The following KMO variants were observed in gnomAD, a reference collection of about 807,000 sequenced individuals.
KMO encodes the protein kynurenine 3-monooxygenase, also known as kynurenine 3-hydroxylase.
In KMO, 24 loss-of-function variants were observed where a neutral mutation model predicts 57.8. The observed-to-expected ratio is 0.42, with a 90% CI of 0.30 to 0.58. The LOEUF (loss-of-function observed/expected upper bound fraction) is 0.58. Among genes scored for constraint, KMO ranks in the 20% least tolerant of loss-of-function variants. The probability of loss-of-function intolerance (pLI) is 0.22; values close to 1 mark genes in which losing one functional copy is unlikely to be tolerated. For synonymous variants in KMO, 210 were observed against 193.6 expected (o/e 1.08, Z -0.70); for missense variants, 483 against 588.2 (o/e 0.82, Z 1.85).
intron 2 of KMO, among the ~76,000 whole-genome samples, chr1:241,549,254 A>T (rs1412362260): frequency 2.2e-4 from 31 of 140,504 alleles, no homozygotes; most frequent in East Asian, 8.1e-4. Flanking sequence ...AGAAAGAAAG[A>T]AAGAAAGAAA....
At chr1:241,557,355 A>G (rs75012787) in intron 5 of KMO, among the ~76,000 whole-genome samples, 1 of 152,164 alleles carries the variant, frequency 6.6e-6, no homozygotes, top group African/African-American at 2.4e-5. Context: ...TATTTCTACT[A>G]TCTTTTAAAC....
At position 241,568,411 on chromosome 1, in the gene KMO, G is replaced by A. The variant is rs1267548317; in HGVS notation, c.810-89G>A. The A allele has an allele frequency of 4.5e-5, 58 of 1,297,458 alleles. No individual in the cohort carries two copies. In the South Asian group the frequency reaches 5.7e-4, roughly 13 times the overall value. The allele number at this position is 1,297,458 out of a possible 1,614,324, so 80.4% of individuals were successfully genotyped here. On this transcript the variant is annotated intron_variant, in intron 9 of 14. Coordinates refer to ENST00000366559, the MANE Select transcript of KMO (RefSeq NM_003679.5). ...CATTCTTGTTTTTCAACAAAACTTC[G>A]TGATAGTTAATTTAGTAAACCTGAA...
chr1:241,570,721 C>T (rs1238870187), intron 10 of KMO, among the ~76,000 whole-genome samples: 1 of 152,058 alleles, frequency 6.6e-6, no homozygotes, highest in Non-Finnish European at 1.5e-5. Flanking sequence ...TAATGTGATG[C>T]CTCCAGTTTT....
chr1:241,552,967 A>G (rs755169676), intron 4 of KMO, among the ~76,000 whole-genome samples: 4 of 152,210 alleles, frequency 2.6e-5, no homozygotes, highest in Admixed American at 2.6e-4. Context: ...CTTATGCTCA[A>G]AATAGAGAAA....
chr1:241,588,695 G>T (rs1475263255), intron 11 of KMO, 53 bp from the exon 12 acceptor site: 4 of 1,336,696 alleles, frequency 3.0e-6, no homozygotes, highest in Non-Finnish European at 4.3e-6. Flanking sequence ...CCTGTGTAGA[G>T]TTCAGCACAT....
intron 1 of KMO, among the ~76,000 whole-genome samples, chr1:241,532,783 A>T (rs1180869134): frequency 6.6e-6 from 1 of 152,182 alleles, no homozygotes; most frequent in African/African-American, 2.4e-5. Context: ...AAAAAGCAAA[A>T]ATAATGCAAA....
intron 5 of KMO, among the ~76,000 whole-genome samples, chr1:241,556,820 C>T (rs1160490965): frequency 2.0e-5 from 3 of 151,930 alleles, no homozygotes; most frequent in Non-Finnish European, 2.9e-5. Context: ...ACCCAGGAGG[C>T]GGAGGTTGCA....
intron 10 of KMO, among the ~76,000 whole-genome samples, chr1:241,581,118 C>T (rs554327149): frequency 3.2e-4 from 48 of 152,018 alleles, no homozygotes; most frequent in Admixed American, 1.2e-3. Context: ...TCTTGAAATC[C>T]ATTTTGTCTC....
At chr1:241,578,556 C>T (rs1662620141) in intron 10 of KMO, among the ~76,000 whole-genome samples, 1 of 152,060 alleles carries the variant, frequency 6.6e-6, no homozygotes, top group Admixed American at 6.6e-5. Flanking sequence ...TGTGACCTGC[C>T]CTTAAGTCTT....
At chr1:241,578,236 C>T (rs1373271473) in intron 10 of KMO, among the ~76,000 whole-genome samples, 1 of 152,170 alleles carries the variant, frequency 6.6e-6, no homozygotes, top group African/African-American at 2.4e-5. Context: ...CAAGACTCTT[C>T]ATGAGCACCA....
At chr1:241,549,290 G>GAAGGAAGAAAA (rs1558415071) in intron 2 of KMO, among the ~76,000 whole-genome samples, 180 of 139,112 alleles carry the variant, frequency 1.3e-3, no homozygotes, top group African/African-American at 4.6e-3. Flanking sequence ...AGAAAGAAAG[G>GAAGGAAGAAAA]AGAAAGAGCA....
chr1:241,590,232 A>G lies in KMO; in HGVS notation c.1229A>G (p.Glu410Gly). The G allele has an allele frequency of 6.2e-7, 1 of 1,613,872 alleles. No individual in the cohort carries two copies. Among genetic ancestry groups the G allele is most frequent in the Non-Finnish European group, 8.5e-7 (1 of 1,179,830 alleles). The part of the protein sequence containing the change: ...MVTFSRIRYH[E>G]AVQRWHWQKK... ...ACTTTTTCCAGAATAAGATACCATG[A>G]GGCTGTGCAGCGTTGGCATTGGCAA... Residue 410 changes from glutamate to glycine, a missense_variant, in exon 14 of 15, where the codon GAG becomes GGG. Glu to Gly is a moderately conservative substitution (Grantham distance 98, BLOSUM62 -2). Transcript: ENST00000366559.
chr1:241,557,247 T>C (rs928951464), intron 5 of KMO, among the ~76,000 whole-genome samples: 22 of 152,200 alleles, frequency 1.4e-4, no homozygotes, highest in Non-Finnish European at 2.8e-4. Flanking sequence ...TCACACACCA[T>C]GTATCCCTTA....
At chr1:241,564,562 A>T (rs1395657358) in intron 7 of KMO, among the ~76,000 whole-genome samples, 2 of 151,742 alleles carry the variant, frequency 1.3e-5, no homozygotes, top group Non-Finnish European at 2.9e-5. Flanking sequence ...TAAAGTAAAA[A>T]ATATATATAT....
At position 241,589,206 on chromosome 1, in the gene KMO, T is replaced by C. The variant is rs116291684; in HGVS notation, c.1098+376T>C. Among the ~76,000 whole-genome samples the C allele has an allele frequency of 5.4e-3, 823 of 152,266 alleles. 7 individuals carry two copies. Among genetic ancestry groups the C allele is most frequent in the Non-Finnish European group, 8.5e-3 (579 of 68,018 alleles). Reference sequence around the variant, plus strand: ...AATGGCCTTTTCACTCATAACATTATAACTTGCATATTTAGAGTAGCATTG... The same window carrying C: ...AATGGCCTTTTCACTCATAACATTACAACTTGCATATTTAGAGTAGCATTG... On this transcript the variant is annotated intron_variant, in intron 12 of 14. Coordinates refer to ENST00000366559, the MANE Select transcript of KMO (RefSeq NM_003679.5).
intron 1 of KMO, among the ~76,000 whole-genome samples, chr1:241,546,017 A>AT (rs1052991838): frequency 3.3e-5 from 5 of 151,878 alleles, no homozygotes; most frequent in Non-Finnish European, 7.4e-5. Flanking sequence ...TGGTGATGTC[A>AT]TTTTTTTTCC....
At chr1:241,578,578 T>A (rs1662624383) in intron 10 of KMO, among the ~76,000 whole-genome samples, 1 of 152,128 alleles carries the variant, frequency 6.6e-6, no homozygotes, top group African/African-American at 2.4e-5. Context: ...CAGCAGTGGG[T>A]ACCAGTACCA....
intron 1 of KMO, among the ~76,000 whole-genome samples, chr1:241,540,881 T>C (rs1340176677): frequency 6.6e-6 from 1 of 151,910 alleles, no homozygotes; most frequent in Admixed American, 6.6e-5. Context: ...CTTGGCAACA[T>C]AGCAAGATCC....
In KMO at chr1:241,553,692, T is replaced by A. The variant is rs540400840; in HGVS notation, c.313-1920T>A. ...GAACAGCAAGACCCTGTCTCAAAAA[T>A]TTTTTAAAAAATTAAAAATTAAAAA... On this transcript the variant is annotated intron_variant, in intron 4 of 14. Coordinates refer to ENST00000366559, the MANE Select transcript of KMO (RefSeq NM_003679.5). Among the ~76,000 whole-genome samples, 17 of 152,232 alleles carry A rather than the reference T, an allele frequency of 1.1e-4. No individual in the cohort carries two copies. The East Asian group carries it at 2.9e-3, about 26-fold the overall frequency.
Sources: allele counts gnomAD v4.1 joint callset (sites outside exome capture counted in the v4.1 genomes callset), GRCh38; gene constraint gnomAD v4.1.1; transcripts MANE v1.5; gene names NCBI Gene and HGNC (gene_info 2026-07-23, HGNC 2026-07-21).